ADGRG4: variants seen among roughly 807,000 people sequenced by gnomAD.
ADGRG4 encodes the protein adhesion G protein-coupled receptor G4.
In ADGRG4, 122 loss-of-function variants were observed where a neutral mutation model predicts 126.2. The observed-to-expected ratio is 0.97, with a 90% CI of 0.83 to 1.12. The LOEUF is 1.12. ADGRG4 is among the 50% of genes most tolerant of loss of function. ADGRG4 has a pLI of 0.00. For synonymous variants in ADGRG4, 943 were observed against 838.7 expected (o/e 1.12, Z -2.15); for missense variants, 2,481 against 2,251.8 (o/e 1.10, Z -2.06).
At chrX:136,320,780 A>G (rs1365751701) in intron 4 of ADGRG4, among the ~76,000 whole-genome samples, 1 of 110,543 alleles carries the variant, frequency 9.0e-6, no homozygotes, top group Non-Finnish European at 1.9e-5. Flanking sequence ...TTTGCCAGGC[A>G]TGGTGGCATG....
chrX:136,355,403 A>G (rs1056015783), intron 8 of ADGRG4, among the ~76,000 whole-genome samples: 1 of 111,667 alleles, frequency 9.0e-6, no homozygotes, highest in African/African-American at 3.3e-5. Flanking sequence ...AACATTCACA[A>G]CATTTAACTC....
At chrX:136,371,295 T>C (rs1272331181) in intron 13 of ADGRG4, 33 bp from the exon 14 acceptor site, 10 of 1,006,000 alleles carry the variant, frequency 9.9e-6, no homozygotes, top group African/African-American at 1.9e-5. Flanking sequence ...GACTAAGTCA[T>C]GCAGCTTTTA....
At position 136,344,478 on chromosome X, in the gene ADGRG4, G is replaced by C; in HGVS notation, c.772G>C (p.Val258Leu). ...DMTTPSQITGVKPQNTAHSST... is the reference protein window; with the variant it reads ...DMTTPSQITGLKPQNTAHSST... Reference sequence around the variant, plus strand: ...GACCACTCCATCCCAAATTACTGGAGTAAAACCACAAAATACTGCACATTC... The same window carrying C: ...GACCACTCCATCCCAAATTACTGGACTAAAACCACAAAATACTGCACATTC... The change falls in exon 6 of 26, where the codon GTA becomes CTA. Residue 258 changes from valine to leucine, a missense_variant. Physicochemically the swap from Val to Leu is conservative, Grantham distance 32 (BLOSUM62 1). Coordinates refer to ENST00000394143, the MANE Select transcript of ADGRG4 (RefSeq NM_153834.4). The C allele has an allele frequency of 8.3e-7, 1 of 1,202,777 alleles. No individual in the cohort carries two copies. Among genetic ancestry groups the C allele is most frequent in the South Asian group, 1.8e-5 (1 of 56,604 alleles).
intron 4 of ADGRG4, among the ~76,000 whole-genome samples, chrX:136,318,586 A>G (rs1472847938): frequency 8.9e-6 from 1 of 111,856 alleles, no homozygotes; most frequent in Non-Finnish European, 1.9e-5. Flanking sequence ...TGGCACTCCT[A>G]GGGTAGTAAC....
Position 136,414,167 on chromosome X carries a change from C to A in ADGRG4, c.9045C>A (p.Ser3015Arg), listed in dbSNP as rs140250794. The change falls in exon 25 of 26, where the codon AGC (serine) becomes AGA (arginine). Residue 3015 changes from serine to arginine, a missense_variant. By Grantham distance (110) the Ser-to-Arg change is moderately radical. Transcript: ENST00000394143. Reference protein sequence around the residue: ...WLRLDNSSDGSSRCQIKVGYK... With the variant: ...WLRLDNSSDGRSRCQIKVGYK... Reference sequence around the variant, plus strand: ...TTCTTGGTATCATTTCAGATGGGAGCAGCCGGTGTCAGATAAAGGTTGGAT... The same window carrying A: ...TTCTTGGTATCATTTCAGATGGGAGAAGCCGGTGTCAGATAAAGGTTGGAT... The A allele has an allele frequency of 5.3e-3, 6,250 of 1,188,809 alleles. 20 individuals are homozygous for A. Among genetic ancestry groups the A allele is most frequent in the Non-Finnish European group, 6.5e-3 (5,717 of 884,692 alleles).
Position 136,348,142 on chromosome X carries a change from C to G in ADGRG4, c.4436C>G (p.Thr1479Arg). The stretch of plus-strand genomic sequence containing the variant: ...GCTGGACTATATAATGACGGTTTTA[C>G]AGTTCTCTCCGACAGGATCACTACA... ...STAGLYNDGF[T>R]VLSDRITTAF... The change falls in exon 6 of 26, where the codon ACA (threonine) becomes AGA (arginine). Residue 1479 changes from threonine (T) to arginine (R), a missense_variant. Transcript: ENST00000394143. The G allele has an allele frequency of 8.3e-7, 1 of 1,209,739 alleles. No individual in the cohort carries two copies. The highest frequency in any genetic ancestry group is 1.8e-5 in the South Asian group (1 of 56,877).
chrX:136,347,284 G>T lies in ADGRG4; in HGVS notation c.3578G>T (p.Gly1193Val), dbSNP rs754421302. ...CTCAGCTTCCCATATACTTTCAGTG[G>T]TGGTGGAGTTGTTGCCAGCTTGGCT... ...YALSFPYTFSGGGVVASLATG... is the reference protein window; with the variant it reads ...YALSFPYTFSVGGVVASLATG... Residue 1193 changes from glycine (G) to valine (V), a missense_variant, in exon 6 of 26, where the codon GGT (glycine) becomes GTT (valine). By Grantham distance (109) the Gly-to-Val change is moderately radical (BLOSUM62 -3). Transcript: ENST00000394143. 8.3e-7 allele frequency: 1 copy of T among 1,211,256 alleles called. No homozygotes were observed. Among genetic ancestry groups the T allele is most frequent in the Non-Finnish European group, 1.1e-6 (1 of 895,199 alleles).
intron 5 of ADGRG4, among the ~76,000 whole-genome samples, chrX:136,337,066 G>C (rs1447951743): frequency 9.0e-6 from 1 of 111,199 alleles, no homozygotes; most frequent in Non-Finnish European, 1.9e-5. Context: ...CTGGGCTCAA[G>C]TAATCCTCCT....
chrX:136,397,491 CTTTTTTT>C (rs1184936316), intron 19 of ADGRG4, among the ~76,000 whole-genome samples: 712 of 50,587 alleles, frequency 0.014, 8 homozygotes, highest in African/African-American at 0.048. Flanking sequence ...AGGAAAAGGA[CTTTTTTT>C]TTTTTTTTTT....
chrX:136,401,372 CCTT>C (rs889484375), intron 21 of ADGRG4, among the ~76,000 whole-genome samples: 3 of 111,711 alleles, frequency 2.7e-5, no homozygotes, highest in African/African-American at 9.8e-5. Flanking sequence ...TCCTGGCTTT[CCTT>C]CTCCCTCATC....
chrX:136,409,969 C>A (rs1234057217), intron 23 of ADGRG4, among the ~76,000 whole-genome samples: 2 of 112,585 alleles, frequency 1.8e-5, no homozygotes, highest in African/African-American at 6.5e-5. Flanking sequence ...CCATGTTAGC[C>A]CTGTGACCTG....
intron 5 of ADGRG4, 118 bp from the exon 6 acceptor site, chrX:136,344,274 A>C: frequency 2.1e-6 from 1 of 484,293 alleles, no homozygotes; most frequent in Non-Finnish European, 3.4e-6. Context: ...TGATCAAGTG[A>C]TTTGATTATA....
chrX:136,387,343 A>G (rs631161), intron 15 of ADGRG4, among the ~76,000 whole-genome samples: 38,715 of 110,924 alleles, frequency 0.35, 5,089 homozygotes, highest in Non-Finnish European at 0.4. Context: ...TTTTATTGTT[A>G]CTTTGTTTTT....
intron 5 of ADGRG4, among the ~76,000 whole-genome samples, chrX:136,327,429 A>C (rs1366429667): frequency 9.8e-6 from 1 of 102,167 alleles, no homozygotes; most frequent in Non-Finnish European, 2.0e-5. Context: ...AATAACATAA[A>C]ATAAAATAAA....
At chrX:136,324,403 C>T (rs751882033) in intron 5 of ADGRG4, among the ~76,000 whole-genome samples, 22 of 110,079 alleles carry the variant, frequency 2.0e-4, no homozygotes, top group African/African-American at 6.9e-4. Flanking sequence ...TTTCTTCTTC[C>T]ATATTTATGT....
At chrX:136,307,813 G>A (rs766143808) in intron 3 of ADGRG4, among the ~76,000 whole-genome samples, 1 of 112,496 alleles carries the variant, frequency 8.9e-6, no homozygotes, top group Non-Finnish European at 1.9e-5. Flanking sequence ...GTTTCAGTAG[G>A]ATTTGCAGTT....
rs779183300 is a variant in ADGRG4, at chrX:136,345,543, C to A, written c.1837C>A (p.Pro613Thr). The A allele has an allele frequency of 4.1e-6, 5 of 1,209,954 alleles. No homozygotes were observed. The East Asian group carries it at 1.5e-4, about 36-fold the overall frequency. Residue 613 changes from proline (P) to threonine (T), a missense_variant, in exon 6 of 26, where the codon CCT becomes ACT. Transcript: ENST00000394143. ...AGGACGAGTTTACACCCAGAATACA[C>A]CTACAGCTGATGGACACTTGCTTAC... ...ITGRVYTQNT[P>T]TADGHLLTLM...
intron 4 of ADGRG4, among the ~76,000 whole-genome samples, chrX:136,310,702 G>T (rs1318269597): frequency 9.0e-6 from 1 of 111,073 alleles, no homozygotes; most frequent in Non-Finnish European, 1.9e-5. Flanking sequence ...TGTCTCCATA[G>T]AAGAATATCA....
chrX:136,320,616 A>G lies in ADGRG4; in HGVS notation c.71-2162A>G, dbSNP rs184145474. Among the ~76,000 whole-genome samples, 3 of 112,138 alleles carry G rather than the reference A, an allele frequency of 2.7e-5. No homozygotes were observed. The East Asian group carries it at 8.3e-4, about 31-fold the overall frequency. On this transcript the variant is annotated intron_variant, in intron 4 of 25. Transcript: ENST00000394143. Reference sequence around the variant, plus strand: ...TTCCCATCTTTTGGCAACTGGTTTTAAATTAGTATACTGCAGGCTGGGCAT... The same window carrying G: ...TTCCCATCTTTTGGCAACTGGTTTTGAATTAGTATACTGCAGGCTGGGCAT...
Sources: gnomAD v4.1 joint callset for allele counts (sites outside exome capture counted in the v4.1 genomes callset) on GRCh38, gnomAD v4.1.1 for gene constraint, MANE v1.5 for transcripts, NCBI Gene and HGNC (gene_info 2026-07-23, HGNC 2026-07-21) for gene names.